The following CFAP299 variants were observed in gnomAD, a reference collection of about 807,000 sequenced individuals.
The protein encoded by CFAP299 is cilia and flagella associated protein 299.
Under a neutral mutation model 27.0 loss-of-function variants are expected in CFAP299, and 21 were observed. That is an observed-to-expected ratio of 0.78 (90% CI 0.55 to 1.12). The LOEUF is 1.12. Among genes scored for constraint, CFAP299 ranks in the 50% most tolerant of loss-of-function variants. The probability of loss-of-function intolerance (pLI) is 0.00; values close to 1 mark genes in which losing one functional copy is unlikely to be tolerated. For missense variants in CFAP299, 310 were observed against 276.6 expected (o/e 1.12, Z -0.86); for synonymous variants, 104 against 98.1 (o/e 1.06, Z -0.36).
chr4:80,797,061 G>A (rs1727905871), intron 3 of CFAP299, among the ~76,000 whole-genome samples: 1 of 152,104 alleles, frequency 6.6e-6, no homozygotes, highest in Non-Finnish European at 1.5e-5. Context: ...TTTAACTAGA[G>A]AACCACAATG....
chr4:80,669,474 G>A (rs554965710), intron 3 of CFAP299, among the ~76,000 whole-genome samples: 35 of 151,484 alleles, frequency 2.3e-4, no homozygotes, highest in African/African-American at 8.2e-4. Context: ...TTCTTTTTCA[G>A]ATTGTTTGCT....
At chr4:80,424,905 A>G (rs1365309554) in intron 2 of CFAP299, among the ~76,000 whole-genome samples, 1 of 152,160 alleles carries the variant, frequency 6.6e-6, no homozygotes, top group African/African-American at 2.4e-5. Flanking sequence ...GGGGCCCTGC[A>G]TACTCTTGGG....
At chr4:80,838,811 T>C (rs1215609899) in intron 3 of CFAP299, among the ~76,000 whole-genome samples, 2 of 151,926 alleles carry the variant, frequency 1.3e-5, no homozygotes, top group Non-Finnish European at 2.9e-5. Context: ...AGTCAATGTA[T>C]TTTTTAACCT....
At chr4:80,496,848 C>A (rs1348792863) in intron 2 of CFAP299, among the ~76,000 whole-genome samples, 1 of 152,098 alleles carries the variant, frequency 6.6e-6, no homozygotes, top group Non-Finnish European at 1.5e-5. Flanking sequence ...AACTTAGAAT[C>A]ATGGCAAAAG....
At chr4:80,641,128 C>A (rs1241675639) in intron 3 of CFAP299, among the ~76,000 whole-genome samples, 3 of 152,120 alleles carry the variant, frequency 2.0e-5, no homozygotes, top group Admixed American at 6.6e-5. Flanking sequence ...GCAGATACAA[C>A]ATTATATATC....
chr4:80,537,281 G>C (rs575129566), intron 2 of CFAP299, among the ~76,000 whole-genome samples: 1 of 151,926 alleles, frequency 6.6e-6, no homozygotes, highest in African/African-American at 2.4e-5. Context: ...TATTATAGAG[G>C]TTCCTCAAAA....
chr4:80,414,274 T>G (rs891598377), intron 2 of CFAP299, among the ~76,000 whole-genome samples: 6 of 151,048 alleles, frequency 4.0e-5, no homozygotes, highest in African/African-American at 1.2e-4. Flanking sequence ...GTTTCACCGT[T>G]TTAGCCAGGA....
At chr4:80,577,149 T>C (rs1336435743) in intron 2 of CFAP299, among the ~76,000 whole-genome samples, 1 of 152,180 alleles carries the variant, frequency 6.6e-6, no homozygotes, top group East Asian at 1.9e-4. Flanking sequence ...TTGTGAGCCT[T>C]CATTATAGTG....
At chr4:80,642,529 G>C (rs1177255961) in intron 3 of CFAP299, among the ~76,000 whole-genome samples, 1 of 152,186 alleles carries the variant, frequency 6.6e-6, no homozygotes, top group African/African-American at 2.4e-5. Flanking sequence ...ACTTTGGGAG[G>C]CCACGGCAGG....
chr4:80,590,212 T>G (rs1414354677), intron 3 of CFAP299, among the ~76,000 whole-genome samples: 1 of 152,210 alleles, frequency 6.6e-6, no homozygotes, highest in Admixed American at 6.5e-5. Context: ...AAAATGACAC[T>G]CCGTCACTGA....
intron 3 of CFAP299, among the ~76,000 whole-genome samples, chr4:80,772,516 A>T (rs925692045): frequency 2.6e-5 from 4 of 152,070 alleles, no homozygotes; most frequent in Non-Finnish European, 2.9e-5. Flanking sequence ...ATCTATAATA[A>T]CTTGAGAAAG....
chr4:80,941,662 AAAAC>A (rs997366154), intron 4 of CFAP299, among the ~76,000 whole-genome samples: 6 of 142,202 alleles, frequency 4.2e-5, no homozygotes, highest in Admixed American at 1.4e-4. Context: ...TTTATTTAAA[AAAAC>A]AAAACAAAAC....
chr4:80,664,592 A>G, intron 3 of CFAP299, among the ~76,000 whole-genome samples: 1 of 152,130 alleles, frequency 6.6e-6, no homozygotes, highest in Non-Finnish European at 1.5e-5. Context: ...ACCAAGCTCA[A>G]GCATCCCAGG....
chr4:80,849,242 C>T (rs758768986), intron 3 of CFAP299, among the ~76,000 whole-genome samples: 2 of 151,674 alleles, frequency 1.3e-5, no homozygotes, highest in Non-Finnish European at 2.9e-5. Flanking sequence ...TAGCCTACAC[C>T]GGGTCAGGAT....
At chr4:80,660,410 AAAT>A (rs1456741286) in intron 3 of CFAP299, among the ~76,000 whole-genome samples, 1 of 152,206 alleles carries the variant, frequency 6.6e-6, no homozygotes, top group East Asian at 1.9e-4. Context: ...ATAAAGGTGA[AAAT>A]AAAATGTGAA....
At chr4:80,545,871 G>A in intron 2 of CFAP299, among the ~76,000 whole-genome samples, 1 of 151,770 alleles carries the variant, frequency 6.6e-6, no homozygotes, top group Non-Finnish European at 1.5e-5. Context: ...ATAGTAAACT[G>A]AATCCAGCAG....
At chr4:80,942,999 A>G (rs1021884251) in intron 4 of CFAP299, among the ~76,000 whole-genome samples, 7 of 152,204 alleles carry the variant, frequency 4.6e-5, no homozygotes, top group Non-Finnish European at 7.3e-5. Flanking sequence ...CTACAGAATC[A>G]TCTGCTGCAA....
chr4:80,586,957 A>G (rs1211171984), intron 3 of CFAP299, among the ~76,000 whole-genome samples: 1 of 152,172 alleles, frequency 6.6e-6, no homozygotes, highest in Non-Finnish European at 1.5e-5. Flanking sequence ...GAGTCATTCA[A>G]AGAAACCACT....
chr4:80,335,213 T>A (rs1372076501), upstream of CFAP299, among the ~76,000 whole-genome samples: 1 of 152,186 alleles, frequency 6.6e-6, no homozygotes, highest in African/African-American at 2.4e-5. Context: ...TGCAAAGACA[T>A]TTTTTTGACT....
Sources: allele counts gnomAD v4.1 joint callset (sites outside exome capture counted in the v4.1 genomes callset), GRCh38; gene constraint gnomAD v4.1.1; transcripts MANE v1.5; gene names NCBI Gene and HGNC (gene_info 2026-07-23, HGNC 2026-07-21).